MYH11: variants seen among roughly 807,000 people sequenced by gnomAD.
MYH11 encodes the protein myosin-11.
MYH11 carries 80 observed loss-of-function variants against 246.6 expected under a neutral mutation model. The ratio of observed to expected loss-of-function variants is 0.32; its 90% CI spans 0.27 to 0.39. MYH11 has a LOEUF of 0.39. Ranked by LOEUF, MYH11 falls within the 10% of genes least tolerant of loss-of-function variation. The probability of loss-of-function intolerance (pLI) is 1.00; values close to 1 mark genes in which losing one functional copy is unlikely to be tolerated. For missense variants in MYH11, 2,158 were observed against 2,546.8 expected (o/e 0.85, Z 3.29); for synonymous variants, 1,071 against 1,015.5 (o/e 1.05, Z -1.04).
chr16:15,717,287 G>A lies in MYH11; in HGVS notation c.5357C>T (p.Ala1786Val), dbSNP rs1567687948. 6.2e-7 allele frequency: 1 copy of A among 1,613,378 alleles called. No individual in the cohort carries two copies. Among genetic ancestry groups the A allele is most frequent in the Non-Finnish European group, 8.5e-7 (1 of 1,180,040 alleles). The change falls in exon 38 of 41, where the codon GCC becomes GTC. Residue 1786 changes from alanine (A) to valine (V), a missense_variant. Physicochemically the swap from Ala to Val is moderately conservative, Grantham distance 64 (BLOSUM62 0). Around this residue, in one of 11 missense-constraint regions of MYH11, gnomAD observed 1,013 missense variants for 993.5 expected, o/e 1.02. Transcript: ENST00000300036. ...GTTCTGCCGCTCGAGCTGCTGCCGG[G>A]CACTCTCATTCTTCTGGGCCGTGCT... Reference protein sequence around the residue: ...ERSTAQKNESARQQLERQNKE... With the variant: ...ERSTAQKNESVRQQLERQNKE...
chr16:15,720,009 A>G (rs1335479510), intron 34 of MYH11, 142 bp downstream of exon 34: 3 of 1,212,850 alleles, frequency 2.5e-6, no homozygotes, highest in Non-Finnish European at 2.4e-6. Flanking sequence ...CAAATCCTGA[A>G]TGGTTCCAGA....
rs143874929 is a variant in MYH11, at chr16:15,704,238, T to C, written c.5787-115A>G. The C allele has an allele frequency of 2.0e-3, 2,541 of 1,262,588 alleles. 3 individuals carry two copies. The highest frequency in any genetic ancestry group is 2.3e-3 in the African/African-American group (155 of 66,042). The allele number at this position is 1,262,588 out of a possible 1,614,324, so 78.2% of individuals were successfully genotyped here. ...TAGTCCTATTGCAATATAAATTTTTTTTATGGCAGAAAACACACACGGCAC... is the reference window on the plus strand; with the variant it reads ...TAGTCCTATTGCAATATAAATTTTTCTTATGGCAGAAAACACACACGGCAC... On this transcript the variant is annotated intron_variant, in intron 40 of 40. Coordinates refer to ENST00000300036, the MANE Select transcript of MYH11 (RefSeq NM_002474.3).
At chr16:15,725,231 CTG>C in intron 28 of MYH11, 1 of 603,266 alleles carries the variant, frequency 1.7e-6, no homozygotes, top group East Asian at 2.8e-5. Flanking sequence ...GCCCTAGACT[CTG>C]TGGTTCTAAG....
intron 12 of MYH11, among the ~76,000 whole-genome samples, chr16:15,758,825 A>G (rs2041797906): frequency 6.6e-6 from 1 of 151,530 alleles, no homozygotes. Flanking sequence ...TTAGCTGGGC[A>G]CAGTGGTACA....
rs922588334 is a variant in MYH11, at chr16:15,708,955, C to A, written c.5787-4832G>T. The A allele has an allele frequency of 3.5e-6, 4 of 1,145,850 alleles. No individual in the cohort carries two copies. The African/African-American group carries it at 6.2e-5, about 18-fold the overall frequency. The allele number at this position is 1,145,850 out of a possible 1,614,324, so 71.0% of individuals were successfully genotyped here. The stretch of plus-strand genomic sequence containing the variant: ...CTTCGATTTAATAATTAAAGGCACT[C>A]TTTTTTATTTTGAGATAGTCTCTGT... On this transcript the variant is annotated intron_variant, in intron 40 of 40. Coordinates refer to ENST00000300036, the MANE Select transcript of MYH11 (RefSeq NM_002474.3).
At chr16:15,760,850 G>T (rs527705578) in intron 10 of MYH11, among the ~76,000 whole-genome samples, 192 bp from the exon 11 acceptor site, 1 of 152,246 alleles carries the variant, frequency 6.6e-6, no homozygotes, top group African/African-American at 2.4e-5. Context: ...CCAGTATTTT[G>T]CTGAGAGGCA....
At chr16:15,742,353 A>G (rs2041297882) in intron 20 of MYH11, among the ~76,000 whole-genome samples, 1 of 152,198 alleles carries the variant, frequency 6.6e-6, no homozygotes, top group South Asian at 2.1e-4. Context: ...CATTATTAAC[A>G]TTGTTTACAT....
intron 5 of MYH11, among the ~76,000 whole-genome samples, chr16:15,784,119 C>T (rs2042415040): frequency 6.6e-6 from 1 of 152,108 alleles, no homozygotes; most frequent in South Asian, 2.1e-4. Context: ...ATCGCGACCT[C>T]CAAGACTGTT....
intron 4 of MYH11, among the ~76,000 whole-genome samples, chr16:15,795,655 C>A (rs1286959019): frequency 2.6e-5 from 4 of 152,160 alleles, no homozygotes; most frequent in Non-Finnish European, 5.9e-5. Flanking sequence ...AAGATGGATA[C>A]TGGATTGCAG....
chr16:15,838,013 G>A lies in MYH11; in HGVS notation c.240C>T (p.Asn80=). The A allele has an allele frequency of 6.2e-7, 1 of 1,614,130 alleles. No homozygotes were observed. The highest frequency in any genetic ancestry group is 8.5e-7 in the Non-Finnish European group (1 of 1,180,032). The stretch of plus-strand genomic sequence containing the variant: ...CCTCCACCTTGGAGAACTTGGGTGG[G>A]TTCATCTTCTGGATGTCATCTTTCC... ...TVGKDDIQKM[N]PPKFSKVEDM... is the part of the protein sequence containing the mutation. The change falls in exon 2 of 41, where the codon AAC becomes AAT. Residue 80 remains asparagine (N), a synonymous_variant. Transcript: ENST00000300036.
At chr16:15,838,571 G>T (rs1651922323) in intron 1 of MYH11, among the ~76,000 whole-genome samples, 1 of 151,740 alleles carries the variant, frequency 6.6e-6, no homozygotes. Context: ...CAGGAGGCAG[G>T]AAGTAGGGCT....
intron 8 of MYH11, among the ~76,000 whole-genome samples, chr16:15,772,095 T>TTC (rs2151291932): frequency 7.4e-6 from 1 of 134,926 alleles, no homozygotes; most frequent in South Asian, 2.6e-4. Context: ...CTCTTTTTTT[T>TTC]TTTTTTTTTT....
intron 40 of MYH11, 53 bp downstream of exon 40, chr16:15,714,856 G>A: frequency 6.2e-7 from 1 of 1,608,200 alleles, no homozygotes; most frequent in Non-Finnish European, 8.5e-7. Context: ...CGAGCCCCCA[G>A]TGCTTTTCTC....
At position 15,799,681 on chromosome 16, in the gene MYH11, C is replaced by A. The variant is rs139020593; in HGVS notation, c.503-994G>T. ...AGAGATCTGAGAACAGTTACCAATA[C>A]GTTCAATGGTCACCTAACAATGTAG... On this transcript the variant is annotated intron_variant, in intron 3 of 40. Transcript: ENST00000300036. Among the ~76,000 whole-genome samples, 171 of 152,330 alleles carry A rather than the reference C, an allele frequency of 1.1e-3. 1 individual carries two copies. Among genetic ancestry groups the A allele is most frequent in the Middle Eastern group, 3.4e-3 (1 of 294 alleles).
At chr16:15,707,128 T>A (rs1000476650) in intron 40 of MYH11, among the ~76,000 whole-genome samples, 2 of 152,130 alleles carry the variant, frequency 1.3e-5, no homozygotes, top group African/African-American at 2.4e-5. Context: ...AGCCTCTGCC[T>A]CCCAGGTTCA....
intron 14 of MYH11, among the ~76,000 whole-genome samples, chr16:15,755,795 G>C (rs2041696120): frequency 1.3e-5 from 2 of 152,206 alleles, no homozygotes; most frequent in South Asian, 4.1e-4. Flanking sequence ...AGCTGGGTGT[G>C]GTGGCAGGTG....
At chr16:15,806,428 G>A (rs947886514) in intron 3 of MYH11, among the ~76,000 whole-genome samples, 2 of 152,014 alleles carry the variant, frequency 1.3e-5, no homozygotes, top group African/African-American at 4.8e-5. Flanking sequence ...AGGAGCTGCG[G>A]GTAGGAATAT....
At chr16:15,845,439 G>T (rs560809928) in intron 1 of MYH11, among the ~76,000 whole-genome samples, 1 of 151,914 alleles carries the variant, frequency 6.6e-6, no homozygotes, top group African/African-American at 2.4e-5. Flanking sequence ...AGTACCTTCT[G>T]TTTCTATACC....
intron 1 of MYH11, among the ~76,000 whole-genome samples, chr16:15,849,324 G>A (rs751097729): frequency 4.6e-5 from 7 of 152,144 alleles, no homozygotes; most frequent in East Asian, 1.9e-4. Context: ...GAGTCACCTC[G>A]TCCAACTTTC....
Sources: allele counts gnomAD v4.1 joint callset (sites outside exome capture counted in the v4.1 genomes callset), GRCh38; gene constraint gnomAD v4.1.1; regional missense constraint gnomAD v4.1.1; transcripts MANE v1.5; gene names NCBI Gene and HGNC (gene_info 2026-07-23, HGNC 2026-07-21).